HIPK2: variants seen among roughly 807,000 people sequenced by gnomAD.
The protein encoded by HIPK2 is homeodomain-interacting protein kinase 2.
A neutral mutation model predicts 113.7 loss-of-function variants in HIPK2; 27 were observed. The ratio of observed to expected loss-of-function variants is 0.24; its 90% CI spans 0.17 to 0.33. The LOEUF (loss-of-function observed/expected upper bound fraction) is 0.33, where lower values mean the gene tolerates loss of function less well. Ranked by LOEUF, HIPK2 falls within the 10% of genes least tolerant of loss-of-function variation. The pLI is 1.00. For missense variants in HIPK2, 1,257 were observed against 1,588.0 expected, an observed-to-expected ratio of 0.79 and a Z score of 3.54; for synonymous variants, 631 against 642.2, an observed-to-expected ratio of 0.98 and a Z score of 0.26.
chr7:139,752,724 G>GA (rs768536532), intron 1 of HIPK2, among the ~76,000 whole-genome samples: 1,204 of 104,530 alleles, frequency 0.012, 28 homozygotes, highest in Admixed American at 0.058. Flanking sequence ...TTTCACAGCT[G>GA]AAAAAAAAAA....
chr7:139,583,708 G>A (rs919958599), intron 13 of HIPK2, 109 bp downstream of exon 13: 15 of 1,483,570 alleles, frequency 1.0e-5, no homozygotes, highest in Non-Finnish European at 1.4e-5. Context: ...TGCAGTCACT[G>A]GGCACTTTCT....
intron 2 of HIPK2, among the ~76,000 whole-genome samples, chr7:139,656,240 A>C (rs1333464073): frequency 6.6e-6 from 1 of 151,960 alleles, no homozygotes; most frequent in Non-Finnish European, 1.5e-5. Flanking sequence ...ATTCTCATTG[A>C]CTTAAGTATC....
intron 1 of HIPK2, among the ~76,000 whole-genome samples, chr7:139,773,320 C>T (rs917415973): frequency 3.3e-5 from 5 of 152,032 alleles, no homozygotes; most frequent in African/African-American, 1.2e-4. Flanking sequence ...TTTTTCTTTT[C>T]TTTTTTCCCC....
At position 139,614,317 on chromosome 7, in the gene HIPK2, T is replaced by G. The variant is rs1203894414; in HGVS notation, c.1959A>C (p.Gln653His). The G allele has an allele frequency of 1.9e-6, 3 of 1,550,412 alleles. No individual in the cohort carries two copies. Among genetic ancestry groups the G allele is most frequent in the Non-Finnish European group, 2.6e-6 (3 of 1,138,562 alleles). ...AGCCGGGGGGACACACGATGAGAGCTTGCTGGAACGGGTCAGGCCGGGCAC... is the reference window on the plus strand; with the variant it reads ...AGCCGGGGGGACACACGATGAGAGCGTGCTGGAACGGGTCAGGCCGGGCAC... ...QICARPDPFQQALIVCPPGFQ... is the reference protein window; with the variant it reads ...QICARPDPFQHALIVCPPGFQ... The change falls in exon 8 of 15, where the codon CAA becomes CAC. Residue 653 changes from glutamine to histidine, a missense_variant. Physicochemically the swap from Gln to His is conservative, Grantham distance 24 (BLOSUM62 0). Around this residue, in one of 5 missense-constraint regions of HIPK2, gnomAD observed 862 missense variants for 1,004.3 expected, o/e 0.86. Coordinates refer to ENST00000406875, the MANE Select transcript of HIPK2 (RefSeq NM_022740.5).
intron 2 of HIPK2, among the ~76,000 whole-genome samples, chr7:139,645,488 C>G (rs1333768804): frequency 6.6e-6 from 1 of 152,212 alleles, no homozygotes; most frequent in Admixed American, 6.5e-5. Context: ...CTGAGGAGGT[C>G]TCCCCCACTG....
chr7:139,659,126 G>T (rs567964723), intron 2 of HIPK2, among the ~76,000 whole-genome samples: 1 of 152,274 alleles, frequency 6.6e-6, no homozygotes, highest in East Asian at 1.9e-4. Flanking sequence ...CAAGGGGGCC[G>T]GGAGGGATTT....
At chr7:139,674,840 T>C (rs1442778849) in intron 2 of HIPK2, among the ~76,000 whole-genome samples, 1 of 152,190 alleles carries the variant, frequency 6.6e-6, no homozygotes, top group Non-Finnish European at 1.5e-5. Flanking sequence ...GCGCTTACGA[T>C]GAAGATGTAA....
intron 1 of HIPK2, among the ~76,000 whole-genome samples, chr7:139,740,437 C>T (rs759641126): frequency 5.9e-5 from 9 of 152,208 alleles, no homozygotes; most frequent in Non-Finnish European, 1.3e-4. Flanking sequence ...TGCAGCAGGA[C>T]GCAAACTGGT....
chr7:139,715,089 G>A (rs2116939303), intron 2 of HIPK2, among the ~76,000 whole-genome samples: 1 of 152,322 alleles, frequency 6.6e-6, no homozygotes, highest in Admixed American at 6.5e-5. Flanking sequence ...AATCCTGACT[G>A]CATACAGGGG....
intron 2 of HIPK2, among the ~76,000 whole-genome samples, chr7:139,673,819 A>AAGGTG (rs1802391842): frequency 6.8e-6 from 1 of 146,594 alleles, no homozygotes; most frequent in African/African-American, 2.5e-5. Context: ...AGGGTGAGCC[A>AAGGTG]GGTGGATCAC....
Position 139,716,609 on chromosome 7 carries a change from G to A in HIPK2, c.426C>T (p.Ser142=), listed in dbSNP as rs781460824. The A allele has an allele frequency of 1.9e-6, 3 of 1,614,020 alleles. No individual in the cohort carries two copies. Among genetic ancestry groups the A allele is most frequent in the African/African-American group, 2.7e-5 (2 of 75,044 alleles). ...GATGCTCCTCGATGATCTGCACGCT[G>A]CTTGTGTTCTCGATCTCCTCGCTCT... ...KRKSEEIENT[S]SVQIIEEHPP... The change falls in exon 2 of 15, where the codon AGC becomes AGT. Residue 142 remains serine (S), a synonymous_variant. Transcript: ENST00000406875. This position sits in a 1 kb window ranked among gnomAD's most constrained non-coding sequence, Gnocchi z 9.3.
chr7:139,604,713 C>CATATATG (rs1799562148), intron 9 of HIPK2, among the ~76,000 whole-genome samples: 1 of 124,244 alleles, frequency 8.0e-6, no homozygotes, highest in African/African-American at 3.0e-5. Flanking sequence ...AAAAAAAGAA[C>CATATATG]ATATATGAAC....
intron 1 of HIPK2, among the ~76,000 whole-genome samples, chr7:139,759,818 T>C (rs1348248870): frequency 1.3e-5 from 2 of 152,270 alleles, no homozygotes; most frequent in East Asian, 1.9e-4. Context: ...ACAAAGTGCA[T>C]AGGGCTCATC....
intron 2 of HIPK2, among the ~76,000 whole-genome samples, chr7:139,661,995 ACT>A (rs1801882748): frequency 1.3e-5 from 2 of 152,194 alleles, no homozygotes; most frequent in Admixed American, 1.3e-4. Context: ...ACTTGCTAAG[ACT>A]ACATTATTCT....
At chr7:139,704,082 C>T (rs1390157390) in intron 2 of HIPK2, among the ~76,000 whole-genome samples, 4 of 132,080 alleles carry the variant, frequency 3.0e-5, no homozygotes, top group Non-Finnish European at 4.8e-5. Context: ...TGCACCCCCT[C>T]CACACCCGCT....
intron 2 of HIPK2, among the ~76,000 whole-genome samples, chr7:139,707,513 A>G (rs541174421): frequency 6.3e-4 from 96 of 152,354 alleles, no homozygotes; most frequent in African/African-American, 2.3e-3. Context: ...GGAACTGGCA[A>G]AATGATTCAA....
intron 2 of HIPK2, among the ~76,000 whole-genome samples, chr7:139,688,274 C>A (rs976563548): frequency 1.3e-5 from 2 of 152,238 alleles, no homozygotes; most frequent in Admixed American, 1.3e-4. Context: ...GAGGCACTCC[C>A]TCCTCTCATT....
chr7:139,615,530 T>G (rs899271632), intron 7 of HIPK2, among the ~76,000 whole-genome samples: 21 of 152,242 alleles, frequency 1.4e-4, no homozygotes, highest in Non-Finnish European at 2.2e-4. Flanking sequence ...AAATTCCAAC[T>G]TTGGAATTCT....
chr7:139,722,784 A>T (rs1219972761), intron 1 of HIPK2, among the ~76,000 whole-genome samples: 1 of 152,050 alleles, frequency 6.6e-6, no homozygotes, highest in African/African-American at 2.4e-5. Flanking sequence ...GAAAACTGGG[A>T]AGTCATGTGA....
Sources: allele counts gnomAD v4.1 joint callset (sites outside exome capture counted in the v4.1 genomes callset), GRCh38; gene constraint gnomAD v4.1.1; regional missense constraint gnomAD v4.1.1; non-coding constraint Gnocchi (gnomAD v3.1); transcripts MANE v1.5; gene names NCBI Gene and HGNC (gene_info 2026-07-23, HGNC 2026-07-21).